Variants in SRCIN1 observed in about 807,000 individuals in gnomAD.
SRCIN1 encodes the protein P130Cas-associated protein.
In SRCIN1, 50 loss-of-function variants were observed where a neutral mutation model predicts 116.2. The observed-to-expected ratio is 0.43, with a 90% CI of 0.34 to 0.54. The LOEUF is 0.54. Ranked by LOEUF, SRCIN1 falls within the 20% of genes least tolerant of loss-of-function variation. The pLI is 0.02. For synonymous variants in SRCIN1, 736 were observed against 750.0 expected (o/e 0.98, Z 0.30); for missense variants, 1,446 against 1,672.0 (o/e 0.86, Z 2.36).
At chr17:38,543,197 A>C in intron 18 of SRCIN1, 2 of 456,662 alleles carry the variant, frequency 4.4e-6, no homozygotes, top group South Asian at 1.5e-5. Flanking sequence ...CTGAGGGCCA[A>C]AGTGCCTCGC....
chr17:38,551,124 G>A (rs1905371405), intron 15 of SRCIN1, 31 bp downstream of exon 15: 2 of 981,812 alleles, frequency 2.0e-6, no homozygotes, highest in African/African-American at 3.2e-5. Flanking sequence ...CCCCACGCTG[G>A]GCTCCTTACC....
chr17:38,577,295 A>G (rs1225722940), intron 2 of SRCIN1, among the ~76,000 whole-genome samples: 1 of 152,138 alleles, frequency 6.6e-6, no homozygotes, highest in Non-Finnish European at 1.5e-5. Flanking sequence ...GAGGAACCCA[A>G]TGAGAGGGGC....
intron 18 of SRCIN1, 88 bp from the exon 19 acceptor site, chr17:38,533,519 C>CT: frequency 8.7e-7 from 1 of 1,151,912 alleles, no homozygotes; most frequent in South Asian, 1.7e-5. Context: ...AGTGGAAAAC[C>CT]TCCACAAATC....
intron 1 of SRCIN1, among the ~76,000 whole-genome samples, chr17:38,580,362 G>A (rs58289836): frequency 0.02 from 3,023 of 152,162 alleles, 110 homozygotes; most frequent in African/African-American, 0.068. Context: ...CAGAGCCTGC[G>A]AGGACCCAGC....
At chr17:38,542,529 C>T (rs1904813879) in intron 18 of SRCIN1, 1 of 155,968 alleles carries the variant, frequency 6.4e-6, no homozygotes, top group Non-Finnish European at 1.4e-5. Context: ...GGGAACTCAT[C>T]CCTGGCAGTG....
intron 1 of SRCIN1, among the ~76,000 whole-genome samples, chr17:38,590,110 C>G (rs1908359014): frequency 6.6e-6 from 1 of 152,220 alleles, no homozygotes; most frequent in Non-Finnish European, 1.5e-5. Flanking sequence ...ACTGTCTCCC[C>G]TTCTGCGAAA....
At chr17:38,606,244 C>G (rs1909363766), upstream of SRCIN1, among the ~76,000 whole-genome samples, 1 of 151,668 alleles carries the variant, frequency 6.6e-6, no homozygotes, top group Admixed American at 6.5e-5. This position sits in a 1 kb window ranked among gnomAD's most constrained non-coding sequence, Gnocchi z 5.2. Flanking sequence ...AGGACCGGCT[C>G]GGAGGAGGCA....
Position 38,559,758 on chromosome 17 carries a change from C to A in SRCIN1, c.1852G>T (p.Gly618Cys). The stretch of plus-strand genomic sequence containing the variant: ...ACCGGGGTGGCCCCGCTGCTCCGGC[C>A]GCCTGACCCACAGGCTGCAGAGGAC... ...ATPSAPCGSG[G>C]RSSGATPVSG... Residue 618 changes from glycine (G) to cysteine (C), a missense_variant, in exon 10 of 19, where the codon GGC becomes TGC. Physicochemically the swap from Gly to Cys is radical, Grantham distance 159 (BLOSUM62 -3). Around this residue, in one of 5 missense-constraint regions of SRCIN1, gnomAD observed 398 missense variants for 385.6 expected, o/e 1.03. Coordinates refer to ENST00000617146, the MANE Select transcript of SRCIN1 (RefSeq NM_025248.3). 3 of 1,520,184 alleles carry A rather than the reference C, an allele frequency of 2.0e-6. No homozygotes were observed. The highest frequency in any genetic ancestry group is 1.7e-6 in the Non-Finnish European group (2 of 1,143,128). The allele number at this position is 1,520,184 out of a possible 1,614,324, so 94.2% of individuals were successfully genotyped here.
Position 38,543,941 on chromosome 17 carries a change from T to C in SRCIN1, c.3299A>G (p.Lys1100Arg), listed in dbSNP as rs532002061. 5.6e-6 allele frequency: 9 copies of C among 1,592,988 alleles called. No individual in the cohort carries two copies. The African/African-American group carries it at 1.2e-4, about 21-fold the overall frequency. The change falls in exon 18 of 19, where the codon AAG becomes AGG. Residue 1100 changes from lysine (K) to arginine (R), a missense_variant. This residue lies in a region of SRCIN1 where 531 missense variants were observed against 633.9 expected (regional missense o/e 0.84). Coordinates refer to ENST00000617146, the MANE Select transcript of SRCIN1 (RefSeq NM_025248.3). ...ESGGGSVPPM[K>R]VVTPGASRLK... ...CCGAGAGGCCCCCGGAGTCACCACCTTCATGGGTGGTACACTGCCTCCGCC... is the reference window on the plus strand; with the variant it reads ...CCGAGAGGCCCCCGGAGTCACCACCCTCATGGGTGGTACACTGCCTCCGCC...
chr17:38,591,706 C>A (rs1210506279), intron 1 of SRCIN1, among the ~76,000 whole-genome samples: 1 of 152,190 alleles, frequency 6.6e-6, no homozygotes, highest in Non-Finnish European at 1.5e-5. Context: ...CAGCCTGACT[C>A]CTCCTGCCTG....
chr17:38,538,411 C>T (rs1281179363), intron 18 of SRCIN1, among the ~76,000 whole-genome samples: 5 of 119,954 alleles, frequency 4.2e-5, no homozygotes, highest in African/African-American at 1.7e-4. Flanking sequence ...AGTGAGACTC[C>T]GTCTCAAAAA....
chr17:38,560,116 A>G lies in SRCIN1; in HGVS notation c.1794-19T>C, dbSNP rs1297760507. 3.9e-6 allele frequency: 6 copies of G among 1,542,370 alleles called. No individual in the cohort carries two copies. The African/African-American group carries it at 5.5e-5, about 14-fold the overall frequency. ...CTTCTCGCTGTGGCACAGGGAAAAA[A>G]GCCATCAGGGGGTCCAGGCCAGCCC... On this transcript the variant is annotated intron_variant, in intron 8 of 18. Coordinates refer to ENST00000617146, the MANE Select transcript of SRCIN1 (RefSeq NM_025248.3).
chr17:38,534,048 C>T (rs2040965795), intron 18 of SRCIN1, among the ~76,000 whole-genome samples: 1 of 152,162 alleles, frequency 6.6e-6, no homozygotes, highest in African/African-American at 2.4e-5. Flanking sequence ...GCAGGAGGCC[C>T]CACTGCATGC....
Position 38,558,357 on chromosome 17 carries a change from C to T in SRCIN1, c.2071G>A (p.Ala691Thr). The T allele has an allele frequency of 6.2e-7, 1 of 1,608,002 alleles. No homozygotes were observed. Residue 691 changes from alanine to threonine, a missense_variant, in exon 11 of 19, where the codon GCA (alanine) becomes ACA (threonine). Around this residue, in one of 5 missense-constraint regions of SRCIN1, gnomAD observed 398 missense variants for 385.6 expected, o/e 1.03. Coordinates refer to ENST00000617146, the MANE Select transcript of SRCIN1 (RefSeq NM_025248.3). This position sits in a 1 kb window ranked among gnomAD's most constrained non-coding sequence, Gnocchi z 4.6. ...TCCGACACGCGCATGCTCAGCTCTG[C>T]CTCCGTGCGCTTCAGCAGCGCGCGC... Reference protein sequence around the residue: ...SVRALLKRTEAELSMRVSEAA... With the variant: ...SVRALLKRTETELSMRVSEAA...
At chr17:38,540,427 C>T (rs1383665633) in intron 18 of SRCIN1, among the ~76,000 whole-genome samples, 1 of 150,820 alleles carries the variant, frequency 6.6e-6, no homozygotes, top group Admixed American at 6.6e-5. Context: ...CGCCGGCCAC[C>T]GTAGAGCTCA....
At chr17:38,536,460 C>T (rs911396716) in intron 18 of SRCIN1, among the ~76,000 whole-genome samples, 1 of 152,256 alleles carries the variant, frequency 6.6e-6, no homozygotes, top group African/African-American at 2.4e-5. Flanking sequence ...AGGCATGGAG[C>T]ACTGAGCTGG....
In SRCIN1 at chr17:38,554,660, C is replaced by T. The variant is rs967924386; in HGVS notation, c.2202-1805G>A. Among the ~76,000 whole-genome samples, 9 of 152,124 alleles carry T rather than the reference C, an allele frequency of 5.9e-5. No homozygotes were observed. The South Asian group carries it at 8.3e-4, about 14-fold the overall frequency. On this transcript the variant is annotated intron_variant, in intron 11 of 18. Transcript: ENST00000617146. ...AGACCATGTCTTCCAGATTCATCTC[C>T]GGTTTCTAGCACCTGGCATGGTGCC...
intron 1 of SRCIN1, among the ~76,000 whole-genome samples, chr17:38,587,199 A>G (rs1328913935): frequency 1.3e-5 from 2 of 151,786 alleles, no homozygotes; most frequent in Non-Finnish European, 2.9e-5. Flanking sequence ...GAGGAGGCCC[A>G]CCCACCACAT....
At chr17:38,571,423 C>T (rs1907069039) in intron 2 of SRCIN1, among the ~76,000 whole-genome samples, 2 of 152,220 alleles carry the variant, frequency 1.3e-5, no homozygotes, top group Admixed American at 6.5e-5. Context: ...CTCCCTCCAT[C>T]TCCTGGCACC....
Sources: gnomAD v4.1 joint callset for allele counts (sites outside exome capture counted in the v4.1 genomes callset) on GRCh38, gnomAD v4.1.1 for gene constraint, gnomAD v4.1.1 regional missense constraint, Gnocchi (gnomAD v3.1) non-coding constraint, MANE v1.5 for transcripts, NCBI Gene and HGNC (gene_info 2026-07-23, HGNC 2026-07-21) for gene names.